DNAH12: variants seen among roughly 807,000 people sequenced by gnomAD.
The protein encoded by DNAH12 is axonemal beta dynein heavy chain 12.
DNAH12 carries 285 observed loss-of-function variants against 371.5 expected under a neutral mutation model. The ratio of observed to expected loss-of-function variants is 0.77; its 90% CI spans 0.70 to 0.85. The LOEUF (loss-of-function observed/expected upper bound fraction) is 0.85, where lower values mean the gene tolerates loss of function less well. Among genes scored for constraint, DNAH12 ranks in the 40% least tolerant of loss-of-function variants. DNAH12 has a pLI of 0.00. For synonymous variants in DNAH12, 1,200 were observed against 1,213.0 expected (o/e 0.99, Z 0.22); for missense variants, 3,611 against 3,689.4 (o/e 0.98, Z 0.55).
chr3:57,521,876 A>G (rs1004374977), intron 4 of DNAH12, among the ~76,000 whole-genome samples: 1 of 151,832 alleles, frequency 6.6e-6, no homozygotes, highest in Non-Finnish European at 1.5e-5. Flanking sequence ...GACAAGAGGG[A>G]GACTGTGTCT....
At chr3:57,378,121 C>T (rs2153340242) in intron 52 of DNAH12, among the ~76,000 whole-genome samples, 1 of 152,222 alleles carries the variant, frequency 6.6e-6, no homozygotes, top group African/African-American at 2.4e-5. Context: ...TCAGAGAAGA[C>T]ATTGTTGCAT....
At chr3:57,457,140 C>G (rs1186287998) in intron 22 of DNAH12, among the ~76,000 whole-genome samples, 1 of 152,166 alleles carries the variant, frequency 6.6e-6, no homozygotes, top group Non-Finnish European at 1.5e-5. Context: ...ATTATTTATA[C>G]CATAGCCATA....
chr3:57,345,436 T>C (rs1553657731), intron 60 of DNAH12, among the ~76,000 whole-genome samples: 1 of 152,192 alleles, frequency 6.6e-6, no homozygotes, highest in Admixed American at 6.5e-5. Flanking sequence ...TCTTATGTTA[T>C]TCCAAGTTTG....
intron 70 of DNAH12, among the ~76,000 whole-genome samples, chr3:57,298,081 CTT>C (rs2061270739): frequency 6.6e-6 from 1 of 152,202 alleles, no homozygotes; most frequent in Admixed American, 6.5e-5. Flanking sequence ...TTGCTGGTCT[CTT>C]TGTGCTGGGT....
intron 13 of DNAH12, among the ~76,000 whole-genome samples, chr3:57,481,957 C>T (rs2066759070): frequency 6.6e-6 from 1 of 152,134 alleles, no homozygotes; most frequent in Non-Finnish European, 1.5e-5. Context: ...AGACCTAAAA[C>T]CATAAAAACC....
intron 2 of DNAH12, among the ~76,000 whole-genome samples, chr3:57,527,843 T>C (rs533272974): frequency 2.8e-4 from 42 of 152,290 alleles, no homozygotes; most frequent in African/African-American, 1.0e-3. Context: ...TCTCATCATG[T>C]TGTTATTTCC....
intron 25 of DNAH12, among the ~76,000 whole-genome samples, chr3:57,450,145 G>A (rs1272731358): frequency 1.3e-5 from 2 of 151,820 alleles, no homozygotes; most frequent in Non-Finnish European, 2.9e-5. Flanking sequence ...CTATTTGGGA[G>A]GCTGAGGCAG....
At chr3:57,470,829 A>T (rs2066344115) in intron 15 of DNAH12, among the ~76,000 whole-genome samples, 193 bp from the exon 16 acceptor site, 1 of 152,060 alleles carries the variant, frequency 6.6e-6, no homozygotes, top group African/African-American at 2.4e-5. Flanking sequence ...ACCTCAGCCT[A>T]CCAAGTAGCT....
In DNAH12 at chr3:57,425,227, A is replaced by C. The variant is rs977808829; in HGVS notation, c.5254-86T>G. On this transcript the variant is annotated intron_variant, in intron 34 of 73. Transcript: ENST00000495027. Reference sequence around the variant, plus strand: ...CACTTTATTTTTAAAAACTGATAAAAGCATACATGGTTTTAATAAGGTCTT... The same window carrying C: ...CACTTTATTTTTAAAAACTGATAAACGCATACATGGTTTTAATAAGGTCTT... The C allele has an allele frequency of 1.4e-5, 9 of 652,378 alleles. No homozygotes were observed. The Admixed American group carries it at 2.0e-4, about 15-fold the overall frequency. 40.4% of individuals were successfully genotyped at this position (652,378 alleles called of 1,614,324 possible). A position where few individuals can be genotyped will look rare whatever the true frequency, so the allele number is the denominator to read the frequency against.
At chr3:57,519,768 A>G in intron 4 of DNAH12, 1 of 1,597,984 alleles carries the variant, frequency 6.3e-7, no homozygotes, top group South Asian at 1.1e-5. Context: ...GGAAGGAATG[A>G]TTACATTCTC....
chr3:57,302,546 TATATATATATATATATATG>T (rs1559535247), intron 69 of DNAH12, among the ~76,000 whole-genome samples: 1 of 94,936 alleles, frequency 1.1e-5, no homozygotes, highest in African/African-American at 3.8e-5. Flanking sequence ...TATATATATA[TATATATATATATATATATG>T]TATTTTTTTT....
At chr3:57,365,301 C>T (rs2063025477) in intron 57 of DNAH12, among the ~76,000 whole-genome samples, 1 of 152,170 alleles carries the variant, frequency 6.6e-6, no homozygotes, top group South Asian at 2.1e-4. Flanking sequence ...AGATAATGTC[C>T]TTTGCAGAGA....
Position 57,457,755 on chromosome 3 carries a change from C to G in DNAH12, c.3302G>C (p.Arg1101Pro). Residue 1101 changes from arginine to proline, a missense_variant, in exon 22 of 74, where the codon CGG becomes CCG. By Grantham distance (103) the Arg-to-Pro change is moderately radical (BLOSUM62 -2). Transcript: ENST00000495027. ...TGCAGCGATCACATCGTGAACACTC[C>G]GGAGCATTAGGTCTTCCACTTGAAT... The part of the protein sequence containing the change: ...WLIQVEDLML[R>P]SVHDVIAAAR... 1 of 1,551,516 alleles carries G rather than the reference C, an allele frequency of 6.4e-7. No homozygotes were observed.
At chr3:57,494,463 A>G (rs11710170) in intron 11 of DNAH12, among the ~76,000 whole-genome samples, 101,565 of 151,778 alleles carry the variant, frequency 0.67, 34,207 homozygotes, top group South Asian at 0.75. Context: ...TTGGGAGGCT[A>G]AGGTGGGAGG....
At chr3:57,463,541 G>C (rs1156465917) in intron 17 of DNAH12, among the ~76,000 whole-genome samples, 1 of 151,912 alleles carries the variant, frequency 6.6e-6, no homozygotes, top group Admixed American at 6.6e-5. Flanking sequence ...CTTTGTATAA[G>C]TAATAATTTA....
rs535978817 is a variant in DNAH12 at position 57,543,501 on chromosome 3, T to C, written c.-33-598A>G. Among the ~76,000 whole-genome samples the C allele has an allele frequency of 2.6e-5, 4 of 150,958 alleles. No homozygotes were observed. The East Asian group carries it at 8.0e-4, about 30-fold the overall frequency. Reference sequence around the variant, plus strand: ...ACGCCCAGCTACTTTTTTGTGTTTTTAGTAGAGACAGGGTTTCACCATGTT... The same window carrying C: ...ACGCCCAGCTACTTTTTTGTGTTTTCAGTAGAGACAGGGTTTCACCATGTT... On this transcript the variant is annotated intron_variant, in intron 1 of 73. Coordinates refer to ENST00000495027, the MANE Select transcript of DNAH12 (RefSeq NM_001366028.2).
intron 62 of DNAH12, among the ~76,000 whole-genome samples, chr3:57,333,749 T>C (rs1022417646): frequency 1.8e-4 from 27 of 152,166 alleles, no homozygotes; most frequent in African/African-American, 6.5e-4. Context: ...AGGACAGAAC[T>C]CAACAATCTT....
At chr3:57,424,812 G>A (rs1372900683) in intron 35 of DNAH12, among the ~76,000 whole-genome samples, 1 of 150,018 alleles carries the variant, frequency 6.7e-6, no homozygotes, top group Non-Finnish European at 1.5e-5. Context: ...AAAAAAGATA[G>A]TTTTGGTTCC....
At chr3:57,448,254 C>A (rs1486578063) in intron 25 of DNAH12, among the ~76,000 whole-genome samples, 1 of 152,046 alleles carries the variant, frequency 6.6e-6, no homozygotes, top group Non-Finnish European at 1.5e-5. Context: ...GGAGTTTCTT[C>A]CTTCTGGTGG....
Sources: allele counts gnomAD v4.1 joint callset (sites outside exome capture counted in the v4.1 genomes callset), GRCh38; gene constraint gnomAD v4.1.1; transcripts MANE v1.5; gene names NCBI Gene and HGNC (gene_info 2026-07-23, HGNC 2026-07-21).